The following MSRA variants were observed in gnomAD, a reference collection of about 807,000 sequenced individuals.
The protein encoded by MSRA is methionine sulfoxide reductase A.
A neutral mutation model predicts 31.3 loss-of-function variants in MSRA; 54 were observed. The ratio of observed to expected loss-of-function variants is 1.73; its 90% CI spans 1.39 to 2.17. MSRA has a LOEUF of 2.17. Among genes scored for constraint, MSRA ranks in the 30% most tolerant of loss-of-function variants. The pLI is 0.00. For synonymous variants in MSRA, 169 were observed against 116.5 expected, an observed-to-expected ratio of 1.45 and a Z score of -2.90; for missense variants, 507 against 300.9, an observed-to-expected ratio of 1.69 and a Z score of -5.07.
At chr8:10,110,721 G>T (rs534567247) in intron 1 of MSRA, among the ~76,000 whole-genome samples, 1 of 152,318 alleles carries the variant, frequency 6.6e-6, no homozygotes, top group African/African-American at 2.4e-5. Flanking sequence ...GACCTGTGCT[G>T]TCTTTGGTAA....
intron 3 of MSRA, among the ~76,000 whole-genome samples, chr8:10,288,165 T>A (rs867127452): frequency 1.3e-5 from 2 of 152,242 alleles, no homozygotes; most frequent in Non-Finnish European, 2.9e-5. Flanking sequence ...ATCAGACTAC[T>A]GTTTTTCAGG....
chr8:10,245,152 G>C lies in MSRA; in HGVS notation c.260G>C (p.Gly87Ala). The change falls in exon 3 of 6, where the codon GGA (glycine) becomes GCA (alanine). Residue 87 changes from glycine to alanine, a missense_variant. By Grantham distance (60) the Gly-to-Ala change is moderately conservative (BLOSUM62 0). Transcript: ENST00000317173. ...GAAAGGAAATTCTGGGTCTTGAAAG[G>C]AGTGTATTCAACTCAAGTTGGTTTT... ...GAERKFWVLK[G>A]VYSTQVGFAG... 1 of 1,613,710 alleles carries C rather than the reference G, an allele frequency of 6.2e-7. No individual in the cohort carries two copies. Among genetic ancestry groups the C allele is most frequent in the South Asian group, 1.1e-5 (1 of 91,056 alleles).
chr8:10,398,907 C>T (rs920380555), intron 5 of MSRA, among the ~76,000 whole-genome samples: 2 of 152,224 alleles, frequency 1.3e-5, no homozygotes, highest in South Asian at 2.1e-4. Context: ...CATTGAGCCT[C>T]TCCCAGCTTC....
intron 1 of MSRA, among the ~76,000 whole-genome samples, chr8:10,162,651 T>C (rs1175831641): frequency 6.6e-6 from 1 of 152,090 alleles, no homozygotes; most frequent in Non-Finnish European, 1.5e-5. Flanking sequence ...TACTATACCA[T>C]CTCATTTAGT....
rs147710658 is a variant in MSRA, at chr8:10,322,887, C to A, written c.543+2898C>A. Among the ~76,000 whole-genome samples the A allele has an allele frequency of 9.2e-3, 1,402 of 152,108 alleles. 18 individuals carry two copies. The highest frequency in any genetic ancestry group is 0.032 in the African/African-American group (1,313 of 41,498). ...TGGGCGGATCATGAGGTCAGGACTTCGAGACCAGCCTGACTAACATGGTGA... is the reference window on the plus strand; with the variant it reads ...TGGGCGGATCATGAGGTCAGGACTTAGAGACCAGCCTGACTAACATGGTGA... On this transcript the variant is annotated intron_variant, in intron 5 of 5. Coordinates refer to ENST00000317173, the MANE Select transcript of MSRA (RefSeq NM_012331.5).
intron 5 of MSRA, among the ~76,000 whole-genome samples, chr8:10,339,386 C>T (rs1441712282): frequency 2.0e-5 from 3 of 152,120 alleles, no homozygotes; most frequent in Admixed American, 1.3e-4. Context: ...TGATTCAGGT[C>T]CACATTGGCT....
intron 5 of MSRA, among the ~76,000 whole-genome samples, chr8:10,384,572 A>G (rs1262429029): frequency 1.3e-5 from 2 of 152,186 alleles, no homozygotes; most frequent in African/African-American, 2.4e-5. Flanking sequence ...ACATTCTGAC[A>G]CTGAGCTGGT....
intron 2 of MSRA, among the ~76,000 whole-genome samples, chr8:10,223,251 G>A (rs1001997987): frequency 1.3e-5 from 2 of 152,160 alleles, no homozygotes; most frequent in African/African-American, 4.8e-5. Flanking sequence ...TTGAAAGTGT[G>A]CATTGGATCT....
intron 4 of MSRA, among the ~76,000 whole-genome samples, chr8:10,306,463 C>T (rs1211830817): frequency 6.6e-6 from 1 of 151,894 alleles, no homozygotes; most frequent in African/African-American, 2.4e-5. Flanking sequence ...TAAGTATTTA[C>T]CCTCCATCTA....
intron 3 of MSRA, among the ~76,000 whole-genome samples, chr8:10,270,555 T>A (rs150210292): frequency 6.5e-4 from 99 of 152,236 alleles, no homozygotes; most frequent in Non-Finnish European, 1.1e-3. Flanking sequence ...TCATAAGGAC[T>A]GCTAGAGGAG....
intron 5 of MSRA, among the ~76,000 whole-genome samples, chr8:10,354,644 C>G (rs186370056): frequency 2.0e-5 from 3 of 151,316 alleles, no homozygotes; most frequent in Non-Finnish European, 2.9e-5. Context: ...ACAAATGCAT[C>G]GGTGAAGGTA....
At chr8:10,113,740 C>T (rs1180174003) in intron 1 of MSRA, among the ~76,000 whole-genome samples, 1 of 151,092 alleles carries the variant, frequency 6.6e-6, no homozygotes, top group Non-Finnish European at 1.5e-5. Context: ...TGCATTGAAG[C>T]CTTAAGCAGC....
At chr8:10,380,478 G>A (rs1030754011) in intron 5 of MSRA, among the ~76,000 whole-genome samples, 2 of 152,152 alleles carry the variant, frequency 1.3e-5, no homozygotes, top group African/African-American at 4.8e-5. Context: ...CTATTCCAAG[G>A]GACTTATGAG....
At chr8:10,335,717 C>G (rs1292933330) in intron 5 of MSRA, among the ~76,000 whole-genome samples, 1 of 152,190 alleles carries the variant, frequency 6.6e-6, no homozygotes, top group Non-Finnish European at 1.5e-5. Context: ...GCCTTCAATC[C>G]CCAGAGGGAG....
chr8:10,274,863 C>G (rs936665064), intron 3 of MSRA, among the ~76,000 whole-genome samples: 2 of 152,164 alleles, frequency 1.3e-5, no homozygotes, highest in Admixed American at 6.5e-5. Flanking sequence ...ATCCATCTAC[C>G]CACCCATTCA....
intron 3 of MSRA, among the ~76,000 whole-genome samples, chr8:10,299,435 G>T (rs1800724137): frequency 6.6e-6 from 1 of 152,154 alleles, no homozygotes; most frequent in Middle Eastern, 3.4e-3. Context: ...TATACCTACT[G>T]TATCTTTTTC....
chr8:10,370,958 G>T (rs1229995019), intron 5 of MSRA, among the ~76,000 whole-genome samples: 1 of 152,184 alleles, frequency 6.6e-6, no homozygotes, highest in Admixed American at 6.5e-5. Flanking sequence ...GTCATGAGAA[G>T]ACGTGTCTGA....
At chr8:10,252,141 C>A (rs1482631720) in intron 3 of MSRA, among the ~76,000 whole-genome samples, 2 of 152,214 alleles carry the variant, frequency 1.3e-5, no homozygotes, top group Non-Finnish European at 2.9e-5. Context: ...ACCTCCAAGA[C>A]TGCTTTCTTT....
chr8:10,183,866 T>A (rs1458354882), intron 1 of MSRA, among the ~76,000 whole-genome samples: 1 of 150,624 alleles, frequency 6.6e-6, no homozygotes, highest in Admixed American at 6.6e-5. Context: ...ACAGTAGTGT[T>A]GTTGGTTTTG....
Sources: gnomAD v4.1 joint callset for allele counts (sites outside exome capture counted in the v4.1 genomes callset) on GRCh38, gnomAD v4.1.1 for gene constraint, MANE v1.5 for transcripts, NCBI Gene and HGNC (gene_info 2026-07-23, HGNC 2026-07-21) for gene names.